MAPK10: variants seen among roughly 807,000 people sequenced by gnomAD.
MAPK10 encodes the protein mitogen-activated protein kinase 10, also known as JNK3 alpha protein kinase.
A neutral mutation model predicts 59.3 loss-of-function variants in MAPK10; 25 were observed. The ratio of observed to expected loss-of-function variants is 0.42; its 90% CI spans 0.31 to 0.59. The LOEUF is 0.59. Among genes scored for constraint, MAPK10 ranks in the 20% least tolerant of loss-of-function variants. The pLI is 0.15. For missense variants in MAPK10, 351 were observed against 568.9 expected (o/e 0.62, Z 3.90); for synonymous variants, 190 against 200.5 (o/e 0.95, Z 0.44).
At chr4:86,214,511 TAAAAAA>T (rs70948783) in intron 2 of MAPK10, among the ~76,000 whole-genome samples, 2 of 75,974 alleles carry the variant, frequency 2.6e-5, no homozygotes, top group East Asian at 7.4e-4. Context: ...TAAGATTCCT[TAAAAAA>T]AAAAAAAAAA....
chr4:86,239,987 T>G (rs1309674964), intron 2 of MAPK10, among the ~76,000 whole-genome samples: 1 of 152,196 alleles, frequency 6.6e-6, no homozygotes, highest in Non-Finnish European at 1.5e-5. Context: ...TGTGGGCATT[T>G]AGTGCTATAG....
chr4:86,360,667 C>CT (rs144155837), upstream of MAPK10, among the ~76,000 whole-genome samples: 22 of 149,068 alleles, frequency 1.5e-4, no homozygotes, highest in South Asian at 4.3e-4. Flanking sequence ...CATCAGAATT[C>CT]TTTTTTTTTT....
rs1742945478 is a variant in MAPK10, at chr4:86,015,387, T to C, written c.*1841A>G. 1 of 152,200 alleles carries C rather than the reference T, an allele frequency of 6.6e-6. No homozygotes were observed. 9.4% of individuals were successfully genotyped at this position (152,200 alleles called of 1,614,324 possible). A position where few individuals can be genotyped will look rare whatever the true frequency, so the allele number is the denominator to read the frequency against. ...TCTTGTTTGCTCTGTTTTGGGGATA[T>C]TCTATTTGCCAATCAGTTCACACTC... On this transcript the variant is annotated 3_prime_UTR_variant, in exon 14 of 14. Transcript: ENST00000641462.
intron 1 of MAPK10, among the ~76,000 whole-genome samples, chr4:86,552,387 G>T (rs1255459311): frequency 6.7e-6 from 1 of 149,694 alleles, no homozygotes; most frequent in Non-Finnish European, 1.5e-5. Context: ...CACCACTGTA[G>T]TCCAGCCCAG....
At chr4:86,206,773 G>C (rs1411374679) in intron 2 of MAPK10, among the ~76,000 whole-genome samples, 1 of 152,244 alleles carries the variant, frequency 6.6e-6, no homozygotes, top group African/African-American at 2.4e-5. Context: ...TTGTGGTTTT[G>C]ATTTACATTT....
intron 3 of MAPK10, among the ~76,000 whole-genome samples, chr4:86,189,672 T>C (rs1324662784): frequency 1.3e-5 from 2 of 152,198 alleles, no homozygotes; most frequent in Admixed American, 6.5e-5. Flanking sequence ...GTTTTCTAAA[T>C]ATACAATCAT....
rs188070120 is a variant in MAPK10 at position 86,237,624 on chromosome 4, T to G, written c.-6-43217A>C. Among the ~76,000 whole-genome samples the G allele has an allele frequency of 2.7e-3, 405 of 152,350 alleles. 9 individuals carry two copies. The highest frequency in any genetic ancestry group is 0.023 in the Admixed American group (354 of 15,304). On this transcript the variant is annotated intron_variant, in intron 2 of 13. Transcript: ENST00000641462. ...ATGTTCAGTGATGTTAAGCTTTTTT[T>G]CATATGTTTCTTGGCCACATAAATG...
intron 11 of MAPK10, among the ~76,000 whole-genome samples, chr4:86,038,424 C>T (rs2040799368): frequency 6.6e-6 from 1 of 152,064 alleles, no homozygotes; most frequent in African/African-American, 2.4e-5. Flanking sequence ...AAGATGCATG[C>T]TTTATTAAAA....
intron 2 of MAPK10, among the ~76,000 whole-genome samples, chr4:86,232,174 T>C (rs2091643991): frequency 6.6e-6 from 1 of 152,176 alleles, no homozygotes; most frequent in South Asian, 2.1e-4. Context: ...TAAAACTTTA[T>C]TTACAAAAAC....
chr4:86,556,574 G>C (rs1447744312), intron 1 of MAPK10, among the ~76,000 whole-genome samples: 1 of 152,018 alleles, frequency 6.6e-6, no homozygotes, highest in African/African-American at 2.4e-5. Context: ...CACTCACTGG[G>C]AAGAAAACAG....
At chr4:86,401,183 C>T (rs4235080) in intron 1 of MAPK10, among the ~76,000 whole-genome samples, 26,758 of 151,958 alleles carry the variant, frequency 0.18, 2,482 homozygotes, top group South Asian at 0.28. Flanking sequence ...TTGATGGGTA[C>T]AAAATGCTGA....
At chr4:86,475,697 G>C (rs1049461315) in intron 1 of MAPK10, among the ~76,000 whole-genome samples, 3 of 151,990 alleles carry the variant, frequency 2.0e-5, no homozygotes, top group African/African-American at 7.2e-5. Context: ...CTGCTTTTCT[G>C]GGGGGCAAGA....
chr4:86,067,665 A>G, intron 10 of MAPK10, 108 bp downstream of exon 10: 1 of 944,512 alleles, frequency 1.1e-6, no homozygotes, highest in Non-Finnish European at 1.5e-6. Context: ...TCATGTGTCA[A>G]CTAAAAATAA....
chr4:86,300,700 C>G (rs2095453265), intron 2 of MAPK10: 1 of 151,972 alleles, frequency 6.6e-6, no homozygotes, highest in Non-Finnish European at 1.5e-5. Context: ...ATGGGATCAT[C>G]AAGATTGATT....
At chr4:86,033,975 T>A (rs2039647629) in intron 11 of MAPK10, among the ~76,000 whole-genome samples, 1 of 152,142 alleles carries the variant, frequency 6.6e-6, no homozygotes, top group Non-Finnish European at 1.5e-5. Context: ...AAGGAGAAGT[T>A]GGTATTTGAG....
At chr4:86,384,935 AAATAT>A (rs1214025432) in intron 1 of MAPK10, among the ~76,000 whole-genome samples, 9 of 152,168 alleles carry the variant, frequency 5.9e-5, no homozygotes, top group African/African-American at 9.6e-5. Flanking sequence ...TGATACATTT[AAATAT>A]AATATATCTA....
chr4:86,579,385 G>T (rs1037769660), intron 1 of MAPK10, among the ~76,000 whole-genome samples: 1 of 152,100 alleles, frequency 6.6e-6, no homozygotes, highest in Non-Finnish European at 1.5e-5. Context: ...TCAGCATACA[G>T]TAAGAAGTCT....
chr4:86,067,162 G>A (rs553577275), intron 10 of MAPK10, among the ~76,000 whole-genome samples: 17 of 152,088 alleles, frequency 1.1e-4, no homozygotes, highest in African/African-American at 3.6e-4. Context: ...TTTTTGAGAC[G>A]GAGTCTTGCT....
chr4:86,401,490 C>G (rs540141012), intron 1 of MAPK10, among the ~76,000 whole-genome samples: 3 of 152,156 alleles, frequency 2.0e-5, no homozygotes, highest in African/African-American at 7.2e-5. Context: ...GCACTGTATA[C>G]AAACTGCCAC....
Sources: allele counts gnomAD v4.1 joint callset (sites outside exome capture counted in the v4.1 genomes callset), GRCh38; gene constraint gnomAD v4.1.1; transcripts MANE v1.5; gene names NCBI Gene and HGNC (gene_info 2026-07-23, HGNC 2026-07-21).